Variants in KLHL1 observed in about 807,000 individuals in gnomAD.
KLHL1 encodes kelch like family member 1.
KLHL1 carries 47 observed loss-of-function variants against 77.7 expected under a neutral mutation model. The observed-to-expected ratio is 0.60, with a 90% confidence interval of 0.48 to 0.77. KLHL1 has a LOEUF of 0.77. Ranked by LOEUF, KLHL1 falls within the 30% of genes least tolerant of loss-of-function variation. The pLI, the probability that KLHL1 is intolerant of heterozygous loss-of-function variation, is 0.00. For synonymous variants in KLHL1, 360 were observed against 325.2 expected, an observed-to-expected ratio of 1.11 and a Z score of -1.15; for missense variants, 925 against 910.8, an observed-to-expected ratio of 1.02 and a Z score of -0.20.
intron 4 of KLHL1, among the ~76,000 whole-genome samples, chr13:69,930,534 G>A (rs1315636604): frequency 6.6e-6 from 1 of 151,752 alleles, no homozygotes. Flanking sequence ...AATACAATTT[G>A]TGAATCTCCT....
intron 4 of KLHL1, among the ~76,000 whole-genome samples, chr13:69,885,072 C>T (rs1208331182): frequency 7.0e-6 from 1 of 142,060 alleles, no homozygotes; most frequent in Non-Finnish European, 1.5e-5. Context: ...TCCCGAGTAG[C>T]TGGGACTACA....
At chr13:70,060,840 T>G (rs528489488) in intron 1 of KLHL1, among the ~76,000 whole-genome samples, 1 of 109,998 alleles carries the variant, frequency 9.1e-6, no homozygotes, top group South Asian at 2.6e-4. Flanking sequence ...GAGTGAAACT[T>G]CGTCTCAAAA....
At chr13:70,051,041 A>C (rs1886617255) in intron 1 of KLHL1, among the ~76,000 whole-genome samples, 1 of 152,016 alleles carries the variant, frequency 6.6e-6, no homozygotes, top group Admixed American at 6.6e-5. Flanking sequence ...TTTGGTTGGA[A>C]TATAAAATGT....
intron 4 of KLHL1, among the ~76,000 whole-genome samples, chr13:69,902,666 A>G (rs1019965417): frequency 6.6e-6 from 1 of 151,630 alleles, no homozygotes; most frequent in South Asian, 2.1e-4. Context: ...ACAAAAACCA[A>G]ACACCACATG....
intron 1 of KLHL1, among the ~76,000 whole-genome samples, chr13:70,051,634 A>G (rs1299516025): frequency 6.6e-6 from 1 of 152,072 alleles, no homozygotes; most frequent in African/African-American, 2.4e-5. Flanking sequence ...GTTACACATG[A>G]ATTGAAATGT....
chr13:69,708,177 T>G (rs550570275), intron 9 of KLHL1, among the ~76,000 whole-genome samples: 1 of 152,132 alleles, frequency 6.6e-6, no homozygotes, highest in African/African-American at 2.4e-5. Flanking sequence ...TCTGGGAGCA[T>G]TGTGGAATAC....
At chr13:69,946,382 ATATT>A (rs1429063385) in intron 3 of KLHL1, among the ~76,000 whole-genome samples, 1 of 152,234 alleles carries the variant, frequency 6.6e-6, no homozygotes, top group Non-Finnish European at 1.5e-5. Flanking sequence ...TTTTCAAAAT[ATATT>A]TAATAAATGA....
chr13:69,902,103 A>C lies in KLHL1; in HGVS notation c.1015-19608T>G, dbSNP rs150206950. ...GCGTGAGCCACCACGCCCAGCCCAC[A>C]ATGAGTTTTTTTATAAGACTTGTCA... On this transcript the variant is annotated intron_variant, in intron 4 of 10. Coordinates refer to ENST00000377844, the MANE Select transcript of KLHL1 (RefSeq NM_020866.3). Among the ~76,000 whole-genome samples, 469 of 152,184 alleles carry C rather than the reference A, an allele frequency of 3.1e-3. 2 individuals carry two copies. Among genetic ancestry groups the C allele is most frequent in the African/African-American group, 0.011 (448 of 41,548 alleles).
intron 7 of KLHL1, among the ~76,000 whole-genome samples, chr13:69,751,531 G>A (rs1039526146): frequency 2.4e-4 from 36 of 152,172 alleles, no homozygotes; most frequent in Admixed American, 1.8e-3. Context: ...AAACACTCGT[G>A]TTGTGATAAG....
chr13:69,790,811 A>G (rs987028717), intron 7 of KLHL1, among the ~76,000 whole-genome samples: 60 of 152,228 alleles, frequency 3.9e-4, no homozygotes, highest in African/African-American at 1.4e-3. Context: ...GCACTTTGGG[A>G]GGCCGAGGCA....
At chr13:69,886,591 A>C (rs1265789296) in intron 4 of KLHL1, among the ~76,000 whole-genome samples, 1 of 152,062 alleles carries the variant, frequency 6.6e-6, no homozygotes, top group Middle Eastern at 3.2e-3. Context: ...AAACAATATA[A>C]GTAAATCCCT....
At chr13:69,793,830 C>A (rs1012212753) in intron 7 of KLHL1, among the ~76,000 whole-genome samples, 1 of 152,052 alleles carries the variant, frequency 6.6e-6, no homozygotes, top group African/African-American at 2.4e-5. Flanking sequence ...TCATTTGTGA[C>A]GTTCTGAGTG....
chr13:70,020,175 TGGACAAAAA>T (rs1304262347), intron 1 of KLHL1, among the ~76,000 whole-genome samples: 3 of 152,174 alleles, frequency 2.0e-5, no homozygotes, highest in Non-Finnish European at 4.4e-5. Context: ...CTAGGATAAA[TGGACAAAAA>T]GATCTATTTA....
intron 8 of KLHL1, among the ~76,000 whole-genome samples, chr13:69,732,973 C>T (rs916219974): frequency 6.6e-6 from 1 of 152,000 alleles, no homozygotes; most frequent in Non-Finnish European, 1.5e-5. Context: ...TTTTAGTTCT[C>T]CACCCCCAGG....
At chr13:69,911,723 T>C (rs1281475764) in intron 4 of KLHL1, among the ~76,000 whole-genome samples, 1 of 152,132 alleles carries the variant, frequency 6.6e-6, no homozygotes, top group Admixed American at 6.6e-5. Flanking sequence ...GTTTGTGATA[T>C]GAAGCATATA....
chr13:69,870,944 G>A (rs978640551), intron 5 of KLHL1, among the ~76,000 whole-genome samples: 2 of 152,088 alleles, frequency 1.3e-5, no homozygotes, highest in African/African-American at 4.8e-5. Flanking sequence ...TCCAGGCTGA[G>A]GTGCAAACTG....
intron 6 of KLHL1, among the ~76,000 whole-genome samples, chr13:69,823,219 C>T (rs1878410308): frequency 6.6e-6 from 1 of 152,150 alleles, no homozygotes. Flanking sequence ...CAACCCTGTG[C>T]TCTTGCATCA....
chr13:69,707,159 T>C (rs745797760), intron 10 of KLHL1, among the ~76,000 whole-genome samples: 10 of 151,944 alleles, frequency 6.6e-5, no homozygotes, highest in Non-Finnish European at 1.5e-4. Flanking sequence ...GATTACTACT[T>C]GGACTTTCCA....
chr13:69,867,502 A>T (rs989623678), intron 5 of KLHL1, among the ~76,000 whole-genome samples: 7 of 152,040 alleles, frequency 4.6e-5, no homozygotes, highest in African/African-American at 1.7e-4. Flanking sequence ...AATGTCTTTT[A>T]TATAATGCTT....
Sources: gnomAD v4.1 joint callset for allele counts (sites outside exome capture counted in the v4.1 genomes callset) on GRCh38, gnomAD v4.1.1 for gene constraint, MANE v1.5 for transcripts, NCBI Gene and HGNC (gene_info 2026-07-23, HGNC 2026-07-21) for gene names.